ZFPM2: variants seen among roughly 807,000 people sequenced by gnomAD.
ZFPM2 encodes zinc finger protein, FOG family member 2.
ZFPM2 carries 20 observed loss-of-function variants against 98.6 expected under a neutral mutation model. The ratio of observed to expected loss-of-function variants is 0.20; its 90% CI spans 0.14 to 0.29. The LOEUF is 0.29. Among genes scored for constraint, ZFPM2 ranks in the 10% least tolerant of loss-of-function variants. The pLI is 1.00. For synonymous variants in ZFPM2, 518 were observed against 502.7 expected (o/e 1.03, Z -0.41); for missense variants, 1,310 against 1,388.6 (o/e 0.94, Z 0.90).
At chr8:105,512,644 A>G (rs1813840139) in intron 3 of ZFPM2, among the ~76,000 whole-genome samples, 1 of 152,170 alleles carries the variant, frequency 6.6e-6, no homozygotes. Context: ...CTCAAAAAGA[A>G]CTGCAGAGAG....
chr8:105,542,044 T>C (rs1199588917), intron 3 of ZFPM2, among the ~76,000 whole-genome samples: 1 of 152,144 alleles, frequency 6.6e-6, no homozygotes, highest in Non-Finnish European at 1.5e-5. Context: ...CAAATTACTT[T>C]TTCAGGCTCA....
rs112831976 is a variant in ZFPM2 at position 105,348,434 on chromosome 8, C to A, written c.40+29453C>A. Among the ~76,000 whole-genome samples the A allele has an allele frequency of 9.1e-3, 1,378 of 152,222 alleles. 18 individuals carry two copies. Among genetic ancestry groups the A allele is most frequent in the African/African-American group, 0.032 (1,312 of 41,532 alleles). On this transcript the variant is annotated intron_variant, in intron 1 of 7. Coordinates refer to ENST00000407775, the MANE Select transcript of ZFPM2 (RefSeq NM_012082.4). ...GGTTTTCGTAATGGCTAGCTGGGATCCAAATGCCAATGTGTTTGTTTCTCT... is the reference window on the plus strand; with the variant it reads ...GGTTTTCGTAATGGCTAGCTGGGATACAAATGCCAATGTGTTTGTTTCTCT...
rs1812622874 is a variant in ZFPM2 at position 105,350,638 on chromosome 8, G to C, written c.40+31657G>C. Among the ~76,000 whole-genome samples the C allele has an allele frequency of 2.6e-5, 4 of 152,156 alleles. No individual in the cohort carries two copies. In the East Asian group the frequency reaches 7.7e-4, roughly 29 times the overall value. On this transcript the variant is annotated intron_variant, in intron 1 of 7. Transcript: ENST00000407775. The stretch of plus-strand genomic sequence containing the variant: ...CTTGGTAGGCAATTGTAATTTTGGT[G>C]GGGGACACTGAGGAAATGAATAAGG...
chr8:105,452,056 C>A (rs1251011960), intron 3 of ZFPM2, among the ~76,000 whole-genome samples: 2 of 152,030 alleles, frequency 1.3e-5, no homozygotes, highest in Non-Finnish European at 2.9e-5. Context: ...AAAGAAACTT[C>A]ACTTAAATAG....
At chr8:105,728,373 C>A (rs1167669557) in intron 5 of ZFPM2, among the ~76,000 whole-genome samples, 1 of 151,702 alleles carries the variant, frequency 6.6e-6, no homozygotes, top group East Asian at 2.0e-4. Flanking sequence ...ATGTACTTGT[C>A]GAAAGTTAGC....
intron 5 of ZFPM2, among the ~76,000 whole-genome samples, chr8:105,742,379 T>TAAAA (rs79123129): frequency 3.3e-4 from 36 of 109,762 alleles, no homozygotes; most frequent in African/African-American, 1.2e-3. Flanking sequence ...TCCTGTCTCT[T>TAAAA]AAAAAAAAAA....
chr8:105,419,315 G>A lies in ZFPM2; in HGVS notation c.199+13G>A. 6.2e-7 allele frequency: 1 copy of A among 1,611,876 alleles called. No individual in the cohort carries two copies. The highest frequency in any genetic ancestry group is 8.5e-7 in the Non-Finnish European group (1 of 1,179,172). On this transcript the variant is annotated intron_variant, in intron 2 of 7. Coordinates refer to ENST00000407775, the MANE Select transcript of ZFPM2 (RefSeq NM_012082.4). ...TTTTGTAACAAAGGTAATTGTTGAT[G>A]GTTGGATGTAATATGTGAGTCCACT...
At chr8:105,648,342 G>A (rs113133249) in intron 5 of ZFPM2, among the ~76,000 whole-genome samples, 112 of 152,256 alleles carry the variant, frequency 7.4e-4, no homozygotes, top group African/African-American at 2.6e-3. Flanking sequence ...TGTTCACTCC[G>A]ATAGTAGTTT....
At chr8:105,621,516 A>G (rs1816546239) in intron 4 of ZFPM2, among the ~76,000 whole-genome samples, 1 of 152,120 alleles carries the variant, frequency 6.6e-6, no homozygotes. Context: ...AATACCCTTT[A>G]TTTCTTTCTC....
intron 3 of ZFPM2, among the ~76,000 whole-genome samples, chr8:105,489,977 G>A (rs1438687690): frequency 1.3e-5 from 2 of 151,872 alleles, no homozygotes; most frequent in Non-Finnish European, 2.9e-5. Flanking sequence ...TGCCAGGTGC[G>A]GTGGCTCACA....
intron 4 of ZFPM2, among the ~76,000 whole-genome samples, chr8:105,611,342 C>T (rs1816303691): frequency 6.6e-6 from 1 of 152,206 alleles, no homozygotes; most frequent in Non-Finnish European, 1.5e-5. Context: ...AAATCAGTGG[C>T]ATAGCAATCA....
At chr8:105,536,669 A>G (rs531323404) in intron 3 of ZFPM2, among the ~76,000 whole-genome samples, 21 of 152,298 alleles carry the variant, frequency 1.4e-4, no homozygotes, top group Admixed American at 1.3e-4. Flanking sequence ...TGAATGTTGA[A>G]TAAGATAGCC....
At chr8:105,474,926 C>A (rs1043418884) in intron 3 of ZFPM2, among the ~76,000 whole-genome samples, 3 of 152,164 alleles carry the variant, frequency 2.0e-5, no homozygotes, top group African/African-American at 7.2e-5. Flanking sequence ...ACTTTCTGAG[C>A]CTTAGGGCTT....
chr8:105,453,855 C>T (rs906165419), intron 3 of ZFPM2, among the ~76,000 whole-genome samples: 7 of 151,906 alleles, frequency 4.6e-5, no homozygotes, highest in African/African-American at 1.5e-4. Context: ...AAACTCCTGA[C>T]CTCAAGTGAT....
intron 3 of ZFPM2, among the ~76,000 whole-genome samples, chr8:105,551,813 C>G (rs1029883931): frequency 6.6e-6 from 1 of 152,148 alleles, no homozygotes; most frequent in Admixed American, 6.5e-5. Context: ...CCTTTCATCT[C>G]CAACTATACA....
At chr8:105,523,482 A>G (rs566405435) in intron 3 of ZFPM2, among the ~76,000 whole-genome samples, 4 of 152,192 alleles carry the variant, frequency 2.6e-5, no homozygotes, top group East Asian at 3.9e-4. Context: ...CACCTCCCCA[A>G]CCAGTGAGTG....
At chr8:105,380,705 A>ATATATATATTATATATAAAATATATAT (rs1554599633) in intron 1 of ZFPM2, among the ~76,000 whole-genome samples, 1 of 15,996 alleles carries the variant, frequency 6.3e-5, no homozygotes, top group Non-Finnish European at 9.9e-5. Context: ...AACATATATA[A>ATATATATATTATATATAAAATATATAT]TATATATATA....
At chr8:105,393,861 T>C (rs1009075618) in intron 1 of ZFPM2, among the ~76,000 whole-genome samples, 5 of 152,162 alleles carry the variant, frequency 3.3e-5, no homozygotes, top group African/African-American at 1.2e-4. Flanking sequence ...AATTTGACTA[T>C]TGAAATGTTA....
intron 4 of ZFPM2, among the ~76,000 whole-genome samples, chr8:105,619,133 G>C (rs1321739872): frequency 6.6e-6 from 1 of 151,966 alleles, no homozygotes; most frequent in Non-Finnish European, 1.5e-5. Flanking sequence ...AATTGGAGAC[G>C]GCCTCAGTGT....
Sources: gnomAD v4.1 joint callset for allele counts (sites outside exome capture counted in the v4.1 genomes callset) on GRCh38, gnomAD v4.1.1 for gene constraint, MANE v1.5 for transcripts, NCBI Gene and HGNC (gene_info 2026-07-23, HGNC 2026-07-21) for gene names.